Variants in HHLA1 observed in about 807,000 individuals in gnomAD.
HHLA1 encodes HHLA1 neighbor of OC90, also known as HERV-H LTR-associating protein 1.
A neutral mutation model predicts 69.9 loss-of-function variants in HHLA1; 72 were observed. The observed-to-expected ratio is 1.03, with a 90% confidence interval of 0.85 to 1.25. The LOEUF is 1.25. Among genes scored for constraint, HHLA1 ranks in the 50% most tolerant of loss-of-function variants. The pLI is 0.00. For synonymous variants in HHLA1, 252 were observed against 233.2 expected (o/e 1.08, Z -0.73); for missense variants, 685 against 642.2 (o/e 1.07, Z -0.72).
intron 10 of HHLA1, among the ~76,000 whole-genome samples, chr8:132,083,829 T>C (rs1040032558): frequency 4.7e-4 from 72 of 152,136 alleles, no homozygotes; most frequent in Middle Eastern, 6.8e-3. Context: ...TGCAACTTTT[T>C]TCTATTATTG....
At chr8:132,101,851 C>A (rs932355233) in intron 3 of HHLA1, among the ~76,000 whole-genome samples, 1 of 152,180 alleles carries the variant, frequency 6.6e-6, no homozygotes, top group Non-Finnish European at 1.5e-5. Flanking sequence ...GGATTACAGG[C>A]GTGAGCCACT....
chr8:132,081,669 C>T (rs1434722352), intron 10 of HHLA1, among the ~76,000 whole-genome samples: 1 of 152,148 alleles, frequency 6.6e-6, no homozygotes, highest in Non-Finnish European at 1.5e-5. Flanking sequence ...AGGCTTCTAC[C>T]TATCCAGTGA....
Position 132,076,108 on chromosome 8 carries a change from G to A in HHLA1, c.1262C>T (p.Pro421Leu), listed in dbSNP as rs1326858977. ...GACTGGCTCTTCACCAGCAGTGAAT[G>A]GCCACTCTGCAGAGAGATCACCTGC... ...PQTGDLSAEW[P>L]FTAGEEPVLV... The change falls in exon 14 of 17, where the codon CCA becomes CTA. Residue 421 changes from proline (P) to leucine (L), a missense_variant. Physicochemically the swap from Pro to Leu is moderately conservative, Grantham distance 98. Coordinates refer to ENST00000414222, the MANE Select transcript of HHLA1 (RefSeq NM_001145095.3). 7 of 1,551,104 alleles carry A rather than the reference G, an allele frequency of 4.5e-6. No homozygotes were observed. The East Asian group carries it at 1.2e-4, about 27-fold the overall frequency.
intron 10 of HHLA1, chr8:132,081,223 T>A (rs931808645): frequency 2.0e-5 from 3 of 152,040 alleles, no homozygotes; most frequent in Non-Finnish European, 4.4e-5. Flanking sequence ...GGTGAATAGG[T>A]GTATGACTAG....
intron 5 of HHLA1, among the ~76,000 whole-genome samples, chr8:132,097,968 A>G (rs1824050079): frequency 6.6e-6 from 1 of 152,226 alleles, no homozygotes; most frequent in Admixed American, 6.5e-5. Flanking sequence ...TATTCTAAAT[A>G]ACATGTACCA....
At chr8:132,109,933 C>A (rs902001781) in intron 1 of HHLA1, among the ~76,000 whole-genome samples, 24 of 152,140 alleles carry the variant, frequency 1.6e-4, no homozygotes, top group African/African-American at 5.8e-4. Context: ...AGAAGTCACC[C>A]AAGAGTCTTG....
chr8:132,111,058 G>C (rs1227565927), intron 1 of HHLA1, 44 bp downstream of exon 1: 2 of 152,302 alleles, frequency 1.3e-5, no homozygotes, highest in Non-Finnish European at 1.5e-5. Flanking sequence ...TGAAGAGGAG[G>C]AGGAACCAAA....
intron 10 of HHLA1, among the ~76,000 whole-genome samples, chr8:132,081,872 T>C (rs190395226): frequency 3.3e-5 from 5 of 152,314 alleles, no homozygotes; most frequent in Admixed American, 3.3e-4. Context: ...AGGATAGATT[T>C]CCACGATGGA....
intron 10 of HHLA1, among the ~76,000 whole-genome samples, chr8:132,084,416 G>T (rs1823823524): frequency 9.3e-6 from 1 of 107,676 alleles, no homozygotes. Flanking sequence ...TTTGGGACGA[G>T]TTGCACTGGG....
intron 3 of HHLA1, among the ~76,000 whole-genome samples, chr8:132,103,417 T>C (rs4736548): frequency 6.6e-6 from 1 of 151,492 alleles, no homozygotes; most frequent in Non-Finnish European, 1.5e-5. Flanking sequence ...CAGGAGTTCA[T>C]GACCTGCCTG....
intron 5 of HHLA1, among the ~76,000 whole-genome samples, chr8:132,097,979 T>C (rs1028146842): frequency 9.9e-5 from 15 of 152,216 alleles, no homozygotes; most frequent in African/African-American, 3.6e-4. Context: ...ACATGTACCA[T>C]TACCTATTTA....
chr8:132,086,674 G>A lies in HHLA1; in HGVS notation c.676+979C>T, dbSNP rs1451409679. Among the ~76,000 whole-genome samples the A allele has an allele frequency of 3.3e-5, 5 of 152,166 alleles. No individual in the cohort carries two copies. The South Asian group carries it at 8.3e-4, about 25-fold the overall frequency. On this transcript the variant is annotated intron_variant, in intron 10 of 16. Coordinates refer to ENST00000414222, the MANE Select transcript of HHLA1 (RefSeq NM_001145095.3). ...TCATGGAAAGACTCTCCAAATAAAT[G>A]AGATTGACTCAACCCTAAGATCTGT...
Position 132,075,624 on chromosome 8 carries a change from T to C in HHLA1, c.1315+431A>G, listed in dbSNP as rs1412944836. On this transcript the variant is annotated intron_variant, in intron 14 of 16. Coordinates refer to ENST00000414222, the MANE Select transcript of HHLA1 (RefSeq NM_001145095.3). Reference sequence around the variant, plus strand: ...GGTTGCATTTTGCAGTCATCTTTTTTATTCCTTCCTCCTTCACTGCCAACA... The same window carrying C: ...GGTTGCATTTTGCAGTCATCTTTTTCATTCCTTCCTCCTTCACTGCCAACA... Among the ~76,000 whole-genome samples the C allele has an allele frequency of 2.6e-5, 4 of 152,310 alleles. No individual in the cohort carries two copies. In the East Asian group the frequency reaches 7.7e-4, roughly 29 times the overall value.
Position 132,079,932 on chromosome 8 carries a change from C to A in HHLA1, c.711G>T (p.Lys237Asn), listed in dbSNP as rs370948289. 3.9e-5 allele frequency: 60 copies of A among 1,552,174 alleles called. No individual in the cohort carries two copies. The highest frequency in any genetic ancestry group is 5.2e-5 in the Non-Finnish European group (60 of 1,147,118). Residue 237 changes from lysine to asparagine, a missense_variant, in exon 11 of 17, where the codon AAG becomes AAT. By Grantham distance (94) the Lys-to-Asn change is moderately conservative (BLOSUM62 0). Transcript: ENST00000414222. ...GTGTTTTCTGGCTTTTGGTTGTGGG[C>A]TTTGAAGTCCTGGCAGTTCCCCTGG... Reference protein sequence around the residue: ...AATRGTARTSKPTTKSQKTLP... With the variant: ...AATRGTARTSNPTTKSQKTLP...
chr8:132,073,308 G>T (rs144678373), intron 14 of HHLA1, among the ~76,000 whole-genome samples: 41 of 152,138 alleles, frequency 2.7e-4, no homozygotes, highest in African/African-American at 9.6e-4. Context: ...TGGAGAAGGG[G>T]CTCATAATGT....
chr8:132,063,998 C>T lies in HHLA1; in HGVS notation c.1593G>A (p.Val531=). ...CCCTAGTGTTATTTTCAAGGCCTCA[C>T]ACAGACTTGCAGATATTCTCAAGGC... The part of the protein sequence containing the change: ...QKCLENICKS[V] Residue 531 remains valine, a synonymous_variant, in exon 17 of 17, where the codon GTG becomes GTA. Transcript: ENST00000414222. 1.5e-6 allele frequency: 2 copies of T among 1,301,720 alleles called. No homozygotes were observed. The highest frequency in any genetic ancestry group is 1.0e-6 in the Non-Finnish European group (1 of 986,446). The allele number at this position is 1,301,720 out of a possible 1,614,324, so 80.6% of individuals were successfully genotyped here.
intron 15 of HHLA1, 30 bp downstream of exon 15, chr8:132,071,310 A>G: frequency 3.9e-6 from 6 of 1,536,772 alleles, no homozygotes; most frequent in Non-Finnish European, 5.3e-6. Flanking sequence ...TAAATATTCC[A>G]TGTGAAAAGA....
At chr8:132,110,083 G>T (rs1277536560) in intron 1 of HHLA1, among the ~76,000 whole-genome samples, 1 of 152,164 alleles carries the variant, frequency 6.6e-6, no homozygotes, top group Non-Finnish European at 1.5e-5. Context: ...AATCAACCAA[G>T]GTTAGTTCAG....
intron 10 of HHLA1, among the ~76,000 whole-genome samples, chr8:132,084,726 G>A (rs2078216401): frequency 6.6e-6 from 1 of 151,560 alleles, no homozygotes; most frequent in African/African-American, 2.4e-5. Flanking sequence ...CCATAGTGAA[G>A]GAGGCAAGCC....
Sources: allele counts gnomAD v4.1 joint callset (sites outside exome capture counted in the v4.1 genomes callset), GRCh38; gene constraint gnomAD v4.1.1; transcripts MANE v1.5; gene names NCBI Gene and HGNC (gene_info 2026-07-23, HGNC 2026-07-21).